The following TBKBP1 variants were observed in gnomAD, a reference collection of about 807,000 sequenced individuals.
TBKBP1 encodes TANK-binding kinase 1-binding protein 1.
TBKBP1 carries 47 observed loss-of-function variants against 69.9 expected under a neutral mutation model. That is an observed-to-expected ratio of 0.67 (90% CI 0.53 to 0.86). The LOEUF is 0.86. Ranked by LOEUF, TBKBP1 falls within the 40% of genes least tolerant of loss-of-function variation. TBKBP1 has a pLI of 0.00. For synonymous variants in TBKBP1, 418 were observed against 390.3 expected (o/e 1.07, Z -0.84); for missense variants, 831 against 858.6 (o/e 0.97, Z 0.40).
At position 47,709,184 on chromosome 17, in the gene TBKBP1, C is replaced by T; in HGVS notation, c.1451C>T (p.Ala484Val). ...ASPPWLQAEA[A>V]TLPKPRAYGS... ...CCGCCCTGGCTGCAGGCCGAAGCGG[C>T]CACTCTCCCCAAGCCCCGGGCCTAC... Residue 484 changes from alanine to valine, a missense_variant, in exon 9 of 10, where the codon GCC (alanine) becomes GTC (valine). Ala to Val is a moderately conservative substitution (Grantham distance 64). Transcript: ENST00000578982. 6.7e-7 allele frequency: 1 copy of T among 1,482,618 alleles called. No individual in the cohort carries two copies. The highest frequency in any genetic ancestry group is 8.9e-7 in the Non-Finnish European group (1 of 1,125,528). 91.8% of individuals were successfully genotyped at this position (1,482,618 alleles called of 1,614,324 possible).
intron 9 of TBKBP1, 94 bp from the exon 10 acceptor site, chr17:47,710,404 C>T: frequency 6.6e-7 from 1 of 1,519,320 alleles, no homozygotes; most frequent in Non-Finnish European, 8.9e-7. Context: ...TGCCACAGCC[C>T]TCCCTGCCCT....
intron 1 of TBKBP1, among the ~76,000 whole-genome samples, chr17:47,694,447 C>A (rs1037737411): frequency 6.6e-6 from 1 of 150,854 alleles, no homozygotes; most frequent in Non-Finnish European, 1.5e-5. Flanking sequence ...AGGGCTCGGC[C>A]GGTTGTGGGG....
chr17:47,704,952 G>A (rs1314690214), intron 7 of TBKBP1, among the ~76,000 whole-genome samples: 1 of 152,228 alleles, frequency 6.6e-6, no homozygotes, highest in Non-Finnish European at 1.5e-5. Flanking sequence ...GGCAGGCTGA[G>A]GTGCCAAGAA....
At chr17:47,703,570 G>T (rs1006480782) in intron 7 of TBKBP1, among the ~76,000 whole-genome samples, 1 of 152,214 alleles carries the variant, frequency 6.6e-6, no homozygotes, top group African/African-American at 2.4e-5. Context: ...CCAGTCCTTG[G>T]TGCTTTGCCT....
At chr17:47,696,042 C>G (rs2031216461) in intron 1 of TBKBP1, 37 bp from the exon 2 acceptor site, 1 of 1,260,494 alleles carries the variant, frequency 7.9e-7, no homozygotes, top group African/African-American at 1.5e-5. Flanking sequence ...AAACCCTAGA[C>G]AGACGGCCCT....
At chr17:47,704,277 C>T (rs1044869649) in intron 7 of TBKBP1, among the ~76,000 whole-genome samples, 1 of 152,220 alleles carries the variant, frequency 6.6e-6, no homozygotes, top group African/African-American at 2.4e-5. Flanking sequence ...GGGACCCCAC[C>T]AGTCATAGCT....
At position 47,709,393 on chromosome 17, in the gene TBKBP1, T is replaced by C; in HGVS notation, c.1660T>C (p.Ser554Pro). 1 of 1,533,062 alleles carries C rather than the reference T, an allele frequency of 6.5e-7. No homozygotes were observed. The highest frequency in any genetic ancestry group is 8.7e-7 in the Non-Finnish European group (1 of 1,147,542). 95.0% of individuals were successfully genotyped at this position (1,533,062 alleles called of 1,614,324 possible). A position where few individuals can be genotyped will look rare whatever the true frequency, so the allele number is the denominator to read the frequency against. Residue 554 changes from serine (S) to proline (P), a missense_variant, in exon 9 of 10, where the codon TCG becomes CCG. By Grantham distance (74) the Ser-to-Pro change is moderately conservative. Coordinates refer to ENST00000578982, the MANE Select transcript of TBKBP1 (RefSeq NM_001394755.1). ...SFCAGFPIPE[S>P]PAATAYAHAE... is the part of the protein sequence containing the mutation. ...CTGCGCGGGCTTCCCCATCCCCGAG[T>C]CGCCCGCCGCCACCGCCTACGCCCA...
chr17:47,700,984 T>G (rs770031878), intron 7 of TBKBP1, among the ~76,000 whole-genome samples: 17 of 152,172 alleles, frequency 1.1e-4, no homozygotes, highest in Non-Finnish European at 2.1e-4. Flanking sequence ...TAAGATGAGC[T>G]GTGTGGCACA....
At chr17:47,701,979 G>T (rs2031523914) in intron 7 of TBKBP1, among the ~76,000 whole-genome samples, 1 of 152,218 alleles carries the variant, frequency 6.6e-6, no homozygotes, top group Non-Finnish European at 1.5e-5. Context: ...AGCCAGCCAG[G>T]CTCTGCTGCC....
At chr17:47,698,859 C>A in intron 5 of TBKBP1, 84 bp downstream of exon 5, 1 of 1,248,252 alleles carries the variant, frequency 8.0e-7, no homozygotes, top group Non-Finnish European at 1.1e-6. Flanking sequence ...TACTTACCAT[C>A]CCATTTGTAA....
At chr17:47,696,951 C>T (rs2031272585) in intron 3 of TBKBP1, 118 bp downstream of exon 3, 2 of 1,517,888 alleles carry the variant, frequency 1.3e-6, no homozygotes, top group Admixed American at 2.0e-5. Flanking sequence ...ATGGCCAGGT[C>T]CTCCCTAAGC....
chr17:47,695,923 T>G (rs1597952851), intron 1 of TBKBP1, 156 bp from the exon 2 acceptor site: 3 of 552,438 alleles, frequency 5.4e-6, no homozygotes, highest in East Asian at 2.9e-5. Flanking sequence ...GGCTGAGGAG[T>G]CTGGGAAGGG....
At chr17:47,704,856 G>A (rs1285354686) in intron 7 of TBKBP1, among the ~76,000 whole-genome samples, 1 of 152,220 alleles carries the variant, frequency 6.6e-6, no homozygotes, top group Non-Finnish European at 1.5e-5. Context: ...GAAAGGATGC[G>A]AAGCGTGGAA....
chr17:47,706,828 G>GACACACACACACACACACAC (rs55849029), intron 7 of TBKBP1, among the ~76,000 whole-genome samples: 3 of 134,222 alleles, frequency 2.2e-5, no homozygotes, highest in South Asian at 5.1e-4. Context: ...GTTAGACTTA[G>GACACACACACACACACACAC]ACACACACAC....
intron 7 of TBKBP1, among the ~76,000 whole-genome samples, chr17:47,702,996 A>G (rs1385742630): frequency 2.0e-3 from 50 of 24,760 alleles, no homozygotes; most frequent in African/African-American, 0.016. Context: ...GGGGGGGGGA[A>G]CTTCTTGAAG....
Position 47,709,126 on chromosome 17 carries a change from C to A in TBKBP1, c.1393C>A (p.Leu465Met). Residue 465 changes from leucine (L) to methionine (M), a missense_variant, in exon 9 of 10, where the codon CTG becomes ATG. Transcript: ENST00000578982. The part of the protein sequence containing the change: ...GFQGRRSYSE[L>M]AEGAAYAGAS... ...CCAGGGCCGCCGCAGCTACTCTGAG[C>A]TGGCGGAGGGCGCGGCCTACGCGGG... is the stretch of plus-strand genomic sequence containing the variant. The A allele has an allele frequency of 7.2e-7, 1 of 1,379,788 alleles. No homozygotes were observed. 85.5% of individuals were successfully genotyped at this position (1,379,788 alleles called of 1,614,324 possible). A position where few individuals can be genotyped will look rare whatever the true frequency, so the allele number is the denominator to read the frequency against.
chr17:47,697,601 T>A (rs952832120), intron 4 of TBKBP1, among the ~76,000 whole-genome samples: 4 of 151,978 alleles, frequency 2.6e-5, no homozygotes, highest in Non-Finnish European at 4.4e-5. Flanking sequence ...CAGGAGTGTG[T>A]GACTGCTAGG....
intron 4 of TBKBP1, 120 bp downstream of exon 4, chr17:47,697,313 C>A: frequency 1.2e-6 from 1 of 849,382 alleles, no homozygotes; most frequent in Non-Finnish European, 1.9e-6. Context: ...ATGTGTCACA[C>A]ATCACTTGTT....
In TBKBP1 at chr17:47,696,802, T is replaced by A; in HGVS notation, c.317T>A (p.Leu106Gln). The A allele has an allele frequency of 6.2e-7, 1 of 1,613,908 alleles. No homozygotes were observed. The change falls in exon 3 of 10, where the codon CTG becomes CAG. Residue 106 changes from leucine to glutamine, a missense_variant. By Grantham distance (113) the Leu-to-Gln change is moderately radical. Transcript: ENST00000578982. The stretch of plus-strand genomic sequence containing the variant: ...CTGCTGGAGGTGGAGAAGGTCAGCC[T>A]GCAGCAACGGCTCAACCAGTTCCAG... ...GSLLEVEKVS[L>Q]QQRLNQFQHE...
Sources: allele counts gnomAD v4.1 joint callset (sites outside exome capture counted in the v4.1 genomes callset), GRCh38; gene constraint gnomAD v4.1.1; transcripts MANE v1.5; gene names NCBI Gene and HGNC (gene_info 2026-07-23, HGNC 2026-07-21).